Variants in GPR161 observed in about 807,000 individuals in gnomAD.
The protein encoded by GPR161 is G protein-coupled receptor 161, also known as G-protein coupled receptor RE2.
A neutral mutation model predicts 39.2 loss-of-function variants in GPR161; 25 were observed. That is an observed-to-expected ratio of 0.64 (90% confidence interval 0.47 to 0.89). The LOEUF is 0.89. Ranked by LOEUF, GPR161 falls within the 40% of genes least tolerant of loss-of-function variation. The probability of loss-of-function intolerance (pLI) is 0.00; values close to 1 mark genes in which losing one functional copy is unlikely to be tolerated. For synonymous variants in GPR161, 286 were observed against 276.6 expected (o/e 1.03, Z -0.34); for missense variants, 547 against 677.8 (o/e 0.81, Z 2.14).
intron 1 of GPR161, among the ~76,000 whole-genome samples, chr1:168,130,542 A>G (rs1488688421): frequency 6.6e-6 from 1 of 152,208 alleles, no homozygotes; most frequent in East Asian, 1.9e-4. Flanking sequence ...GAGCATTTTA[A>G]TGACATGAGC....
At chr1:168,128,413 A>G (rs536793906) in intron 1 of GPR161, among the ~76,000 whole-genome samples, 97 of 152,326 alleles carry the variant, frequency 6.4e-4, no homozygotes, top group African/African-American at 2.3e-3. Context: ...GTTGCTAAAC[A>G]TTTTACAATA....
In GPR161 at chr1:168,104,751, T is replaced by C. The variant is rs1361561194; in HGVS notation, c.100A>G (p.Ile34Val). Residue 34 changes from isoleucine to valine, a missense_variant, in exon 2 of 6, where the codon ATC becomes GTC. Coordinates refer to ENST00000682931, the MANE Select transcript of GPR161 (RefSeq NM_001375883.1). ...GGVIITQFIAIIVITIFVCLG... is the reference protein window; with the variant it reads ...GGVIITQFIAVIVITIFVCLG... ...CAGACAAAAATGGTGATGACAATGA[T>C]GGCGATGAACTGGGTGATGATGACG... The C allele has an allele frequency of 6.2e-7, 1 of 1,613,912 alleles. No individual in the cohort carries two copies. Among genetic ancestry groups the C allele is most frequent in the Non-Finnish European group, 8.5e-7 (1 of 1,180,020 alleles).
At chr1:168,137,075 C>T, upstream of GPR161, 2 of 1,008,670 alleles carry the variant, frequency 2.0e-6, no homozygotes, top group Non-Finnish European at 2.4e-6. Context: ...GCGCCCCTTC[C>T]TTCGCGTCCG....
At chr1:168,086,995 A>G (rs1694570723) in intron 5 of GPR161, among the ~76,000 whole-genome samples, 1 of 152,180 alleles carries the variant, frequency 6.6e-6, no homozygotes. Context: ...TGGTATCTGG[A>G]TGGCTCTTGT....
At chr1:168,109,656 C>G (rs1219964271) in intron 1 of GPR161, among the ~76,000 whole-genome samples, 1 of 152,180 alleles carries the variant, frequency 6.6e-6, no homozygotes, top group Non-Finnish European at 1.5e-5. Context: ...TTAAGACATG[C>G]TAATGAGGGT....
intron 1 of GPR161, among the ~76,000 whole-genome samples, chr1:168,109,867 C>T (rs1041649903): frequency 1.4e-4 from 21 of 151,782 alleles, no homozygotes; most frequent in Non-Finnish European, 1.5e-5. Context: ...CTGGAGAGGC[C>T]GAGGCGGAGA....
intron 1 of GPR161, among the ~76,000 whole-genome samples, chr1:168,107,700 C>T (rs1276492264): frequency 2.0e-5 from 3 of 152,200 alleles, no homozygotes; most frequent in African/African-American, 2.4e-5. Flanking sequence ...ACAGAGTTCA[C>T]AGAAAGATAT....
At chr1:168,131,218 A>C (rs563556621) in intron 1 of GPR161, among the ~76,000 whole-genome samples, 4 of 146,740 alleles carry the variant, frequency 2.7e-5, no homozygotes, top group African/African-American at 1.0e-4. Context: ...TCTCACCCCC[A>C]CCCTTACCCC....
intron 1 of GPR161, among the ~76,000 whole-genome samples, chr1:168,112,958 G>A (rs1292932038): frequency 2.0e-5 from 3 of 152,188 alleles, no homozygotes; most frequent in Non-Finnish European, 4.4e-5. Context: ...GGAGGAATGT[G>A]GACCTAAGAG....
At chr1:168,117,907 T>G (rs1697769157) in intron 1 of GPR161, among the ~76,000 whole-genome samples, 1 of 152,196 alleles carries the variant, frequency 6.6e-6, no homozygotes, top group Non-Finnish European at 1.5e-5. Flanking sequence ...CTCTCCCTGT[T>G]TGTGGAATGA....
At chr1:168,114,828 C>T (rs558819125) in intron 1 of GPR161, among the ~76,000 whole-genome samples, 1 of 152,258 alleles carries the variant, frequency 6.6e-6, no homozygotes, top group Non-Finnish European at 1.5e-5. Context: ...GGAAATGACC[C>T]TTCATTTATT....
chr1:168,098,473 G>A lies in GPR161; in HGVS notation c.375-1241C>T, dbSNP rs866008047. Among the ~76,000 whole-genome samples the A allele has an allele frequency of 6.6e-6, 1 of 152,242 alleles. No individual in the cohort carries two copies. The highest frequency in any genetic ancestry group is 2.4e-5 in the African/African-American group (1 of 41,468). On this transcript the variant is annotated intron_variant, in intron 2 of 5. Transcript: ENST00000682931. The surrounding 1 kb of genome is among the most constrained non-coding windows in gnomAD (Gnocchi z 4.1). ...TGAGGGCAACATGTGTAAGGGACGG[G>A]TGGCCACACTGATGCCGCCTGGCAG...
intron 3 of GPR161, among the ~76,000 whole-genome samples, chr1:168,095,299 T>A (rs567611210): frequency 2.0e-5 from 3 of 152,312 alleles, no homozygotes; most frequent in African/African-American, 4.8e-5. Flanking sequence ...CAAAGGACAT[T>A]AATGAAAAAC....
At chr1:168,103,267 C>T (rs2102166453) in intron 2 of GPR161, among the ~76,000 whole-genome samples, 1 of 152,184 alleles carries the variant, frequency 6.6e-6, no homozygotes, top group African/African-American at 2.4e-5. Context: ...GGACAGAAAA[C>T]CATAGGAGCC....
At position 168,082,001 on chromosome 1, in the gene GPR161, T is replaced by C. The variant is rs1453822166; in HGVS notation, c.*3530A>G. ...AGAGGCATATTGTCGGGATGGAAAA[T>C]ATTCAGGGAAATCTGAAGAGACTAA... On this transcript the variant is annotated 3_prime_UTR_variant, in exon 6 of 6. Transcript: ENST00000682931. 1 of 152,222 alleles carries C rather than the reference T, an allele frequency of 6.6e-6. No homozygotes were observed. The highest frequency in any genetic ancestry group is 1.5e-5 in the Non-Finnish European group (1 of 68,034). 9.4% of individuals were successfully genotyped at this position (152,222 alleles called of 1,614,324 possible). A position where few individuals can be genotyped will look rare whatever the true frequency, so the allele number is the denominator to read the frequency against.
intron 5 of GPR161, 79 bp downstream of exon 5, chr1:168,087,502 GAGCC>G (rs1452676406): frequency 6.6e-7 from 1 of 1,512,252 alleles, no homozygotes; most frequent in Admixed American, 1.7e-5. Flanking sequence ...TCCGGGATGG[GAGCC>G]AGCCTGAGCC....
chr1:168,096,769 T>C lies in GPR161; in HGVS notation c.838A>G (p.Met280Val). 1 of 1,613,988 alleles carries C rather than the reference T, an allele frequency of 6.2e-7. No homozygotes were observed. The highest frequency in any genetic ancestry group is 1.3e-5 in the African/African-American group (1 of 74,990). The change falls in exon 3 of 6, where the codon ATG becomes GTG. Residue 280 changes from methionine to valine, a missense_variant. Physicochemically the swap from Met to Val is conservative, Grantham distance 21. Coordinates refer to ENST00000682931, the MANE Select transcript of GPR161 (RefSeq NM_001375883.1). ...ITILVVLGAFMVTWGPYMVVI... is the reference protein window; with the variant it reads ...ITILVVLGAFVVTWGPYMVVI... ...ACCATGTAGGGGCCCCAGGTGACCATGAAGGCACCGAGGACCACCAGGATG... is the reference window on the plus strand; with the variant it reads ...ACCATGTAGGGGCCCCAGGTGACCACGAAGGCACCGAGGACCACCAGGATG...
chr1:168,115,110 A>G (rs1697515104), intron 1 of GPR161, among the ~76,000 whole-genome samples: 1 of 152,166 alleles, frequency 6.6e-6, no homozygotes, highest in Non-Finnish European at 1.5e-5. Context: ...TTACCAGCAA[A>G]TAAAGCAGAG....
intron 4 of GPR161, among the ~76,000 whole-genome samples, chr1:168,089,789 C>T (rs1389758513): frequency 6.6e-6 from 1 of 152,226 alleles, no homozygotes; most frequent in African/African-American, 2.4e-5. Flanking sequence ...GCTCTAACAG[C>T]GTGCTTCCAG....
Sources: allele counts gnomAD v4.1 joint callset (sites outside exome capture counted in the v4.1 genomes callset), GRCh38; gene constraint gnomAD v4.1.1; non-coding constraint Gnocchi (gnomAD v3.1); transcripts MANE v1.5; gene names NCBI Gene and HGNC (gene_info 2026-07-23, HGNC 2026-07-21).